The following WDPCP variants were observed in gnomAD, a reference collection of about 807,000 sequenced individuals.
WDPCP encodes WD repeat containing planar cell polarity effector.
Under a neutral mutation model 93.1 loss-of-function variants are expected in WDPCP, and 71 were observed. The observed-to-expected ratio is 0.76, with a 90% CI of 0.63 to 0.93. The LOEUF (loss-of-function observed/expected upper bound fraction) is 0.93, where lower values mean the gene tolerates loss of function less well. WDPCP is among the 40% of genes least tolerant of loss of function. WDPCP has a pLI of 0.00. For synonymous variants in WDPCP, 315 were observed against 315.0 expected, an observed-to-expected ratio of 1.00 and a Z score of 0.00; for missense variants, 844 against 887.4, an observed-to-expected ratio of 0.95 and a Z score of 0.62.
chr2:63,193,828 A>T (rs1675219380), intron 14 of WDPCP, among the ~76,000 whole-genome samples: 1 of 152,308 alleles, frequency 6.6e-6, no homozygotes, highest in South Asian at 2.1e-4. Flanking sequence ...TTTACAACCC[A>T]GGTTTATTCA....
intron 3 of WDPCP, among the ~76,000 whole-genome samples, chr2:63,596,037 A>G (rs959595758): frequency 2.6e-5 from 4 of 152,196 alleles, no homozygotes; most frequent in African/African-American, 9.6e-5. Context: ...TGTCCTTACC[A>G]TATGCTCTAT....
At chr2:63,344,347 CA>C (rs1417440355) in intron 12 of WDPCP, among the ~76,000 whole-genome samples, 1 of 152,112 alleles carries the variant, frequency 6.6e-6, no homozygotes, top group African/African-American at 2.4e-5. Context: ...TGAACAAAGA[CA>C]AAAATTTTCC....
At chr2:63,601,834 T>G (rs1304029986) in intron 3 of WDPCP, among the ~76,000 whole-genome samples, 2 of 152,220 alleles carry the variant, frequency 1.3e-5, no homozygotes, top group East Asian at 3.8e-4. Flanking sequence ...TGGTAATATA[T>G]ATCTTGAGTT....
intron 12 of WDPCP, among the ~76,000 whole-genome samples, chr2:63,325,065 T>A (rs921750491): frequency 3.3e-5 from 5 of 152,004 alleles, no homozygotes; most frequent in African/African-American, 1.2e-4. Context: ...CTAAACAAAA[T>A]CTGGAGGCAT....
Position 63,121,813 on chromosome 2 carries a change from CTT to C in WDPCP, c.*191_*192del. ...GGTTGAAGACTTTTACTTACGATCA[CTT>C]TGCTGTTATGCTGCATGTTTTTGAA... On this transcript the variant is annotated 3_prime_UTR_variant, in exon 18 of 18. Coordinates refer to ENST00000272321, the MANE Select transcript of WDPCP (RefSeq NM_015910.7). 2 of 1,340,364 alleles carry C rather than the reference CTT, an allele frequency of 1.5e-6. No homozygotes were observed. Among genetic ancestry groups the C allele is most frequent in the South Asian group, 4.2e-5 (2 of 47,384 alleles). 83.0% of individuals were successfully genotyped at this position (1,340,364 alleles called of 1,614,324 possible).
At chr2:63,178,481 T>A (rs954214590) in intron 14 of WDPCP, among the ~76,000 whole-genome samples, 3 of 152,172 alleles carry the variant, frequency 2.0e-5, no homozygotes, top group African/African-American at 7.2e-5. Flanking sequence ...AGTTTTCCAG[T>A]TTGTTGGCAT....
chr2:63,556,391 A>G (rs772076733), intron 1 of WDPCP, among the ~76,000 whole-genome samples: 10 of 152,228 alleles, frequency 6.6e-5, no homozygotes, highest in Admixed American at 1.3e-4. Flanking sequence ...CCTGAAAGAG[A>G]TAAGGAGAAT....
intron 6 of WDPCP, among the ~76,000 whole-genome samples, chr2:63,446,863 T>C (rs1054693755): frequency 2.0e-5 from 3 of 152,242 alleles, no homozygotes; most frequent in African/African-American, 7.2e-5. Context: ...TTCTTATTTA[T>C]ACTTCAGTCT....
chr2:63,607,745 G>A (rs983323098), intron 3 of WDPCP, among the ~76,000 whole-genome samples: 4 of 151,232 alleles, frequency 2.6e-5, no homozygotes, highest in African/African-American at 9.7e-5. Flanking sequence ...CAGGAGAATG[G>A]CGTGAACCCG....
At position 63,801,515 on chromosome 2, in the gene WDPCP, T is replaced by G. The variant is rs369143035; in HGVS notation, n.308+12107A>C. Among the ~76,000 whole-genome samples the G allele has an allele frequency of 1.1e-3, 170 of 152,324 alleles. 6 individuals are homozygous for G. The South Asian group carries it at 0.034, about 31-fold the overall frequency. On this transcript the variant is annotated intron_variant and non_coding_transcript_variant, in intron 2 of 4. Transcript: ENST00000467687. ...GACCCAGCGGGTTCCTGCTGTTGGC[T>G]GGGGTGGCCAGCTTCTATTCCCTTA...
intron 15 of WDPCP, among the ~76,000 whole-genome samples, chr2:63,162,826 A>C (rs1486591410): frequency 2.0e-5 from 3 of 152,182 alleles, no homozygotes; most frequent in Non-Finnish European, 2.9e-5. Flanking sequence ...ATAAAGGTTA[A>C]GGATTTCAAA....
chr2:63,206,713 TA>T (rs1339526021), intron 14 of WDPCP, among the ~76,000 whole-genome samples: 1 of 152,136 alleles, frequency 6.6e-6, no homozygotes, highest in African/African-American at 2.4e-5. Flanking sequence ...ATTGTATTTT[TA>T]TTCTACTCTT....
intron 14 of WDPCP, among the ~76,000 whole-genome samples, chr2:63,252,531 A>C (rs371372791): frequency 6.6e-6 from 1 of 152,084 alleles, no homozygotes; most frequent in African/African-American, 2.4e-5. Flanking sequence ...AACCCTAAGG[A>C]CTTCACCAGA....
chr2:63,724,457 G>A (rs1191020498), intron 2 of WDPCP, among the ~76,000 whole-genome samples: 5 of 151,930 alleles, frequency 3.3e-5, no homozygotes, highest in East Asian at 1.9e-4. Context: ...TAGTCATTGC[G>A]CCTGACTTAA....
chr2:63,172,121 A>G (rs897232430), intron 15 of WDPCP, among the ~76,000 whole-genome samples: 1 of 152,218 alleles, frequency 6.6e-6, no homozygotes, highest in African/African-American at 2.4e-5. Flanking sequence ...TGATGGTCAT[A>G]CAGCTTTATA....
At chr2:63,224,996 TG>T (rs1217812058) in intron 14 of WDPCP, among the ~76,000 whole-genome samples, 2 of 151,360 alleles carry the variant, frequency 1.3e-5, no homozygotes, top group African/African-American at 4.8e-5. Flanking sequence ...GTGTGGGAAC[TG>T]GGGTTATAGG....
chr2:63,736,332 T>C (rs536025038), intron 2 of WDPCP, among the ~76,000 whole-genome samples: 1 of 152,302 alleles, frequency 6.6e-6, no homozygotes, highest in East Asian at 1.9e-4. Context: ...ACCTGCAAGG[T>C]ATTGCTGTCT....
intron 12 of WDPCP, among the ~76,000 whole-genome samples, chr2:63,375,991 G>A (rs985341977): frequency 6.6e-6 from 1 of 151,718 alleles, no homozygotes; most frequent in Admixed American, 6.6e-5. Context: ...TTTTTTCAGA[G>A]TATTAAAATA....
At chr2:63,417,024 A>C (rs1294493148) in intron 9 of WDPCP, among the ~76,000 whole-genome samples, 1 of 152,186 alleles carries the variant, frequency 6.6e-6, no homozygotes, top group African/African-American at 2.4e-5. Flanking sequence ...TCTCATCTCT[A>C]AAATAAGGAT....
Sources: allele counts gnomAD v4.1 joint callset (sites outside exome capture counted in the v4.1 genomes callset), GRCh38; gene constraint gnomAD v4.1.1; transcripts MANE v1.5; gene names NCBI Gene and HGNC (gene_info 2026-07-23, HGNC 2026-07-21).